Variants in CPO observed in about 807,000 individuals in gnomAD.
The protein encoded by CPO is carboxypeptidase O, also known as metallocarboxypeptidase C.
Under a neutral mutation model 41.2 loss-of-function variants are expected in CPO, and 43 were observed. That is an observed-to-expected ratio of 1.04 (90% confidence interval 0.82 to 1.35). CPO has a LOEUF of 1.35. Ranked by LOEUF, CPO falls within the 40% of genes most tolerant of loss-of-function variation. The probability of loss-of-function intolerance (pLI) is 0.00; values close to 1 mark genes in which losing one functional copy is unlikely to be tolerated. For missense variants in CPO, 408 were observed against 451.7 expected, an observed-to-expected ratio of 0.90 and a Z score of 0.88; for synonymous variants, 178 against 162.7, an observed-to-expected ratio of 1.09 and a Z score of -0.72.
rs143093831 is a variant in CPO at position 206,963,660 on chromosome 2, G to A, written c.777+1046G>A. Among the ~76,000 whole-genome samples, 86 of 152,296 alleles carry A rather than the reference G, an allele frequency of 5.6e-4. 1 individual carries two copies. The highest frequency in any genetic ancestry group is 4.4e-3 in the East Asian group (23 of 5,188). On this transcript the variant is annotated intron_variant, in intron 7 of 8. Transcript: ENST00000272852. The stretch of plus-strand genomic sequence containing the variant: ...CCCAAGTTTCCTCATGTTGTAGGGT[G>A]TATCCAAATTTTCTTCCTTTGTAAA...
chr2:206,968,713 G>T (rs1023485708), intron 8 of CPO, among the ~76,000 whole-genome samples: 3 of 152,162 alleles, frequency 2.0e-5, no homozygotes, highest in African/African-American at 7.2e-5. Flanking sequence ...AAGCCCTGGA[G>T]AAAAAAATCT....
Position 206,968,294 on chromosome 2 carries a change from T to G in CPO, c.809T>G (p.Leu270Trp). The change falls in exon 8 of 9, where the codon TTG becomes TGG. Residue 270 changes from leucine to tryptophan, a missense_variant. Transcript: ENST00000272852. ...IQVGQKAANA[L>W]KAKYGTNYRV... ...GTTGGACAGAAGGCAGCAAATGCAT[T>G]GAAAGCAAAGTATGGAACCAATTAT... 1.9e-6 allele frequency: 3 copies of G among 1,612,558 alleles called. No homozygotes were observed. Among genetic ancestry groups the G allele is most frequent in the Non-Finnish European group, 2.5e-6 (3 of 1,178,610 alleles).
intron 7 of CPO, among the ~76,000 whole-genome samples, 168 bp downstream of exon 7, chr2:206,962,782 G>A (rs927341400): frequency 6.6e-6 from 1 of 152,140 alleles, no homozygotes; most frequent in Non-Finnish European, 1.5e-5. Flanking sequence ...TGCTGGGAAG[G>A]CTTCGGGTTA....
At chr2:206,967,149 CAT>C (rs1693588886) in intron 7 of CPO, among the ~76,000 whole-genome samples, 1 of 152,086 alleles carries the variant, frequency 6.6e-6, no homozygotes, top group East Asian at 1.9e-4. Context: ...GTAGAACACA[CAT>C]GTTTAGGCTG....
chr2:206,948,975 C>T (rs1031513930), intron 1 of CPO, among the ~76,000 whole-genome samples: 2 of 151,384 alleles, frequency 1.3e-5, no homozygotes, highest in African/African-American at 2.4e-5. Flanking sequence ...GTGAGAATAG[C>T]AGGTAAATGG....
chr2:206,945,207 G>T (rs1693120647), intron 1 of CPO, among the ~76,000 whole-genome samples: 1 of 149,142 alleles, frequency 6.7e-6, no homozygotes, highest in Admixed American at 6.7e-5. Flanking sequence ...AGCATTTTTT[G>T]AATGCTCAAG....
At chr2:206,963,434 A>T (rs1693517116) in intron 7 of CPO, among the ~76,000 whole-genome samples, 1 of 152,200 alleles carries the variant, frequency 6.6e-6, no homozygotes, top group Non-Finnish European at 1.5e-5. Context: ...TCATATGGTT[A>T]TGCAGCCAAT....
intron 2 of CPO, 117 bp downstream of exon 2, chr2:206,949,830 A>T: frequency 1.7e-6 from 1 of 587,260 alleles, no homozygotes; most frequent in African/African-American, 1.9e-5. Flanking sequence ...TGGTGTTAAG[A>T]TCTGCCAATA....
intron 7 of CPO, among the ~76,000 whole-genome samples, chr2:206,966,960 G>A (rs1467056541): frequency 2.0e-5 from 3 of 152,098 alleles, no homozygotes; most frequent in African/African-American, 7.2e-5. Flanking sequence ...GGTTCAGCTG[G>A]ACAATACAGA....
chr2:206,967,899 G>C lies in CPO; in HGVS notation c.778-364G>C, dbSNP rs115549332. Among the ~76,000 whole-genome samples the C allele has an allele frequency of 3.0e-3, 459 of 152,344 alleles. 4 individuals carry two copies. Among genetic ancestry groups the C allele is most frequent in the African/African-American group, 1.0e-2 (415 of 41,586 alleles). The stretch of plus-strand genomic sequence containing the variant: ...GATTGGTGAGAGAAATCTATTAGAA[G>C]ATGCAACAGACCATTTCAGAGGTAG... On this transcript the variant is annotated intron_variant, in intron 7 of 8. Coordinates refer to ENST00000272852, the MANE Select transcript of CPO (RefSeq NM_173077.3).
At chr2:206,962,099 C>CAA (rs766647290) in intron 6 of CPO, among the ~76,000 whole-genome samples, 89 of 69,412 alleles carry the variant, frequency 1.3e-3, no homozygotes, top group African/African-American at 4.0e-3. Context: ...GACTCTGTCT[C>CAA]AAAAAAAAAA....
chr2:206,959,696 C>T lies in CPO; in HGVS notation c.438C>T (p.Val146=), dbSNP rs1021899198. ...RKLLRNLDFY[V]LPVLNIDGYI... ...TCCTTAGGAACCTGGACTTCTATGT[C>T]CTTCCAGTTCTTAACATAGATGGTT... Residue 146 remains valine (V), a synonymous_variant, in exon 5 of 9, where the codon GTC becomes GTT. Transcript: ENST00000272852. 3 of 1,578,972 alleles carry T rather than the reference C, an allele frequency of 1.9e-6. No individual in the cohort carries two copies.
intron 8 of CPO, among the ~76,000 whole-genome samples, chr2:206,968,878 A>C (rs1304181276): frequency 6.6e-6 from 1 of 152,168 alleles, no homozygotes; most frequent in East Asian, 1.9e-4. Flanking sequence ...CACTCTTGCC[A>C]GGCAATATTA....
intron 1 of CPO, among the ~76,000 whole-genome samples, chr2:206,947,619 C>T (rs1346879110): frequency 1.3e-5 from 2 of 152,026 alleles, no homozygotes; most frequent in Admixed American, 6.6e-5. Flanking sequence ...AGACAAGCCA[C>T]AAACTGACAG....
chr2:206,950,122 T>C (rs1367170894), intron 2 of CPO, among the ~76,000 whole-genome samples: 1 of 152,188 alleles, frequency 6.6e-6, no homozygotes, highest in Non-Finnish European at 1.5e-5. Context: ...GTATTTATTG[T>C]AGGATTTACA....
At chr2:206,943,949 A>G (rs1207551068) in intron 1 of CPO, among the ~76,000 whole-genome samples, 2 of 152,106 alleles carry the variant, frequency 1.3e-5, no homozygotes, top group Admixed American at 1.3e-4. Flanking sequence ...TTGATAGTTA[A>G]TCAGGCACTA....
chr2:206,948,308 T>C (rs184448757), intron 1 of CPO, among the ~76,000 whole-genome samples: 124 of 152,330 alleles, frequency 8.1e-4, no homozygotes, highest in African/African-American at 2.8e-3. Context: ...TGCATACTAT[T>C]CAGTGAAAGA....
chr2:206,956,626 G>A (rs1316751272), intron 3 of CPO, among the ~76,000 whole-genome samples: 3 of 152,154 alleles, frequency 2.0e-5, no homozygotes, highest in Admixed American at 1.3e-4. Context: ...GCTGAGAAGC[G>A]ATACCACAGT....
At chr2:206,949,754 A>G in intron 2 of CPO, 41 bp downstream of exon 2, 2 of 1,314,006 alleles carry the variant, frequency 1.5e-6, no homozygotes, top group Admixed American at 1.7e-5. Context: ...GGTTGTCACA[A>G]CCTACTTTAG....
Sources: gnomAD v4.1 joint callset for allele counts (sites outside exome capture counted in the v4.1 genomes callset) on GRCh38, gnomAD v4.1.1 for gene constraint, MANE v1.5 for transcripts, NCBI Gene and HGNC (gene_info 2026-07-23, HGNC 2026-07-21) for gene names.